USP48: variants seen among roughly 807,000 people sequenced by gnomAD.
The protein encoded by USP48 is ubiquitin specific peptidase 48.
USP48 carries 43 observed loss-of-function variants against 150.7 expected under a neutral mutation model. That is an observed-to-expected ratio of 0.29 (90% confidence interval 0.22 to 0.37). The LOEUF (loss-of-function observed/expected upper bound fraction) is 0.37. Ranked by LOEUF, USP48 falls within the 10% of genes least tolerant of loss-of-function variation. USP48 has a pLI of 1.00. For missense variants in USP48, 813 were observed against 1,249.6 expected, an observed-to-expected ratio of 0.65 and a Z score of 5.27; for synonymous variants, 396 against 425.9, an observed-to-expected ratio of 0.93 and a Z score of 0.86.
At chr1:21,743,981 C>T (rs893365782) in intron 8 of USP48, among the ~76,000 whole-genome samples, 2 of 152,020 alleles carry the variant, frequency 1.3e-5, no homozygotes, top group Non-Finnish European at 2.9e-5. Context: ...CTGGAAGGAG[C>T]GTCTACAAAA....
intron 19 of USP48, 79 bp downstream of exon 19, chr1:21,705,648 G>A: frequency 7.3e-6 from 8 of 1,096,876 alleles, no homozygotes; most frequent in Non-Finnish European, 1.0e-5. Context: ...TGTCAGATGA[G>A]AAATTTCCTA....
chr1:21,736,158 T>C (rs1318984085), intron 9 of USP48, among the ~76,000 whole-genome samples: 1 of 151,656 alleles, frequency 6.6e-6, no homozygotes, highest in Non-Finnish European at 1.5e-5. Flanking sequence ...GCCCAGCTAC[T>C]AGGAAGGGAA....
At chr1:21,776,227 G>A (rs1195640158) in intron 1 of USP48, among the ~76,000 whole-genome samples, 1 of 152,108 alleles carries the variant, frequency 6.6e-6, no homozygotes, top group Admixed American at 6.6e-5. Context: ...GAATTCTGTG[G>A]ACAGAGGATT....
At position 21,736,643 on chromosome 1, in the gene USP48, A is replaced by C; in HGVS notation, c.992-18T>G. 1 of 1,372,268 alleles carries C rather than the reference A, an allele frequency of 7.3e-7. No homozygotes were observed. The highest frequency in any genetic ancestry group is 9.5e-7 in the Non-Finnish European group (1 of 1,056,270). The allele number at this position is 1,372,268 out of a possible 1,614,324, so 85.0% of individuals were successfully genotyped here. A position where few individuals can be genotyped will look rare whatever the true frequency, so the allele number is the denominator to read the frequency against. ...GGACCCACCTGGAGAGAAAGGGAGA[A>C]AGTAAAAGAAACGTTGGATAACAGT... On this transcript the variant is annotated intron_variant, in intron 8 of 26. Coordinates refer to ENST00000308271, the MANE Select transcript of USP48 (RefSeq NM_032236.8).
intron 26 of USP48, 101 bp downstream of exon 26, chr1:21,680,707 G>A (rs1482725709): frequency 8.7e-7 from 1 of 1,148,810 alleles, no homozygotes; most frequent in African/African-American, 1.6e-5. Flanking sequence ...ATGAGACTCA[G>A]ATTGGATTAA....
chr1:21,697,200 C>T lies in USP48; in HGVS notation c.2728-1979G>A, dbSNP rs150003960. Among the ~76,000 whole-genome samples the T allele has an allele frequency of 5.9e-5, 9 of 152,020 alleles. No individual in the cohort carries two copies. The East Asian group carries it at 1.7e-3, about 29-fold the overall frequency. ...CACAGAAGAGCATTTGTTCAGGGTG[C>T]CGACCACTGGCGAGACACTGCCTGA... On this transcript the variant is annotated intron_variant, in intron 22 of 26. Coordinates refer to ENST00000308271, the MANE Select transcript of USP48 (RefSeq NM_032236.8).
intron 10 of USP48, among the ~76,000 whole-genome samples, 180 bp from the exon 11 acceptor site, chr1:21,728,899 G>A (rs538175742): frequency 6.6e-6 from 1 of 152,240 alleles, no homozygotes; most frequent in South Asian, 2.1e-4. Flanking sequence ...GACAGCCACT[G>A]GAATAATCCT....
chr1:21,719,996 T>C (rs952274353), intron 14 of USP48, among the ~76,000 whole-genome samples: 1 of 152,176 alleles, frequency 6.6e-6, no homozygotes, highest in African/African-American at 2.4e-5. Flanking sequence ...GTCAAGAACA[T>C]TAAAGTAATA....
intron 1 of USP48, among the ~76,000 whole-genome samples, chr1:21,782,253 C>A (rs2097916505): frequency 6.6e-6 from 1 of 152,154 alleles, no homozygotes; most frequent in Admixed American, 6.6e-5. Flanking sequence ...AGCACTATCA[C>A]AGCTTAAACT....
chr1:21,728,886 G>A (rs937658107), intron 10 of USP48, among the ~76,000 whole-genome samples, 167 bp from the exon 11 acceptor site: 2 of 152,180 alleles, frequency 1.3e-5, no homozygotes, highest in African/African-American at 4.8e-5. Context: ...AAGTAAAAGT[G>A]AAGACAGCCA....
rs2097800153 is a variant in USP48 at position 21,748,194 on chromosome 1, T to G, written c.852A>C (p.Arg284=). 1 of 1,614,064 alleles carries G rather than the reference T, an allele frequency of 6.2e-7. No individual in the cohort carries two copies. The highest frequency in any genetic ancestry group is 2.2e-5 in the East Asian group (1 of 44,856). The part of the protein sequence containing the change: ...QSKQNATRKI[R]LLSLPCTLNL... Reference sequence around the variant, plus strand: ...TCAGAGTGCAAGGAAGGCTAAGAAGTCGAATCTTTCTTGTTGCATTCTGTT... The same window carrying G: ...TCAGAGTGCAAGGAAGGCTAAGAAGGCGAATCTTTCTTGTTGCATTCTGTT... Residue 284 remains arginine (R), a synonymous_variant, in exon 7 of 27, where the codon CGA becomes CGC. Transcript: ENST00000308271.
At chr1:21,782,070 T>G (rs1271734985) in intron 1 of USP48, 1 of 152,254 alleles carries the variant, frequency 6.6e-6, no homozygotes, top group East Asian at 1.9e-4. Context: ...AGACGGCTAC[T>G]GAGCATGCCC....
intron 15 of USP48, among the ~76,000 whole-genome samples, chr1:21,707,987 C>A (rs904981866): frequency 5.3e-5 from 8 of 151,758 alleles, no homozygotes; most frequent in African/African-American, 1.9e-4. Flanking sequence ...CATGATGAAA[C>A]CCTGCGTCTA....
chr1:21,706,097 A>G (rs2097671571), intron 18 of USP48, 29 bp downstream of exon 18: 1 of 1,606,414 alleles, frequency 6.2e-7, no homozygotes, highest in Non-Finnish European at 8.5e-7. Flanking sequence ...CAGTAACAAT[A>G]AAGGAAATAA....
intron 1 of USP48, among the ~76,000 whole-genome samples, chr1:21,772,738 A>G (rs1050172104): frequency 6.6e-6 from 1 of 151,894 alleles, no homozygotes; most frequent in Non-Finnish European, 1.5e-5. Flanking sequence ...CCTGGCCAAC[A>G]TGGTGAAACC....
chr1:21,759,516 A>C (rs1490678832), intron 1 of USP48, among the ~76,000 whole-genome samples: 1 of 152,174 alleles, frequency 6.6e-6, no homozygotes, highest in Admixed American at 6.5e-5. Context: ...TGGAGAAATA[A>C]CTGGCTGATT....
chr1:21,771,885 T>G (rs563933234), intron 1 of USP48, among the ~76,000 whole-genome samples: 63 of 149,708 alleles, frequency 4.2e-4, no homozygotes, highest in African/African-American at 1.5e-3. Context: ...GCCATTGCAC[T>G]CCAGCCTGGG....
At chr1:21,762,208 A>G (rs2097851608) in intron 1 of USP48, among the ~76,000 whole-genome samples, 1 of 152,156 alleles carries the variant, frequency 6.6e-6, no homozygotes, top group South Asian at 2.1e-4. Flanking sequence ...CAGGGTTTGC[A>G]GTGAGCTGTG....
In USP48 at chr1:21,708,209, C is replaced by G. The variant is rs147463833; in HGVS notation, c.1964-1341G>C. On this transcript the variant is annotated intron_variant, in intron 15 of 26. Coordinates refer to ENST00000308271, the MANE Select transcript of USP48 (RefSeq NM_032236.8). ...ACAAAACAAAACAAACAAAACAAAACTAGGTCTGAGGCTGGGCTTGGTGGT... is the reference window on the plus strand; with the variant it reads ...ACAAAACAAAACAAACAAAACAAAAGTAGGTCTGAGGCTGGGCTTGGTGGT... 4.0e-3 allele frequency among the ~76,000 whole-genome samples: 609 copies of G among 151,978 alleles called. 6 individuals are homozygous for G. The highest frequency in any genetic ancestry group is 0.013 in the African/African-American group (535 of 41,468).
Sources: allele counts gnomAD v4.1 joint callset (sites outside exome capture counted in the v4.1 genomes callset), GRCh38; gene constraint gnomAD v4.1.1; transcripts MANE v1.5; gene names NCBI Gene and HGNC (gene_info 2026-07-23, HGNC 2026-07-21).